PRKCH: variants seen among roughly 807,000 people sequenced by gnomAD.
PRKCH encodes protein kinase C eta type.
A neutral mutation model predicts 82.5 loss-of-function variants in PRKCH; 28 were observed. The ratio of observed to expected loss-of-function variants is 0.34; its 90% CI spans 0.25 to 0.47. The LOEUF (loss-of-function observed/expected upper bound fraction) is 0.47. PRKCH is among the 20% of genes least tolerant of loss of function. PRKCH has a pLI of 1.00. For synonymous variants in PRKCH, 322 were observed against 327.4 expected, an observed-to-expected ratio of 0.98 and a Z score of 0.18; for missense variants, 705 against 881.8, an observed-to-expected ratio of 0.80 and a Z score of 2.54.
chr14:61,396,508 G>C (rs971424107), intron 2 of PRKCH, among the ~76,000 whole-genome samples: 1 of 152,144 alleles, frequency 6.6e-6, no homozygotes, highest in Non-Finnish European at 1.5e-5. Context: ...GCTCATAGGA[G>C]GGAAGGCAGA....
chr14:61,518,158 A>G (rs754159861), intron 10 of PRKCH, among the ~76,000 whole-genome samples: 1 of 152,174 alleles, frequency 6.6e-6, no homozygotes, highest in Non-Finnish European at 1.5e-5. Flanking sequence ...GCAAGGCGCT[A>G]TGGTCAGGAG....
intron 10 of PRKCH, among the ~76,000 whole-genome samples, chr14:61,493,555 A>C (rs577532925): frequency 6.6e-6 from 1 of 152,228 alleles, no homozygotes; most frequent in Non-Finnish European, 1.5e-5. Flanking sequence ...AAAAATCAGC[A>C]TTCCATTATT....
Position 61,479,890 on chromosome 14 carries a change from G to A in PRKCH, c.1279-5612G>A, listed in dbSNP as rs1885888826. Among the ~76,000 whole-genome samples the A allele has an allele frequency of 1.3e-5, 2 of 152,156 alleles. 1 individual carries two copies. The highest frequency in any genetic ancestry group is 4.1e-4 in the South Asian group (2 of 4,830). On this transcript the variant is annotated intron_variant, in intron 9 of 13. Transcript: ENST00000332981. ...AACTCACACCAGGTGTGGGACAAAG[G>A]GATTTCTGAGTTGCTTTCACTCCCA...
intron 1 of PRKCH, among the ~76,000 whole-genome samples, chr14:61,229,690 AT>A (rs2044725304): frequency 6.6e-6 from 1 of 152,106 alleles, no homozygotes; most frequent in South Asian, 2.1e-4. Context: ...AGAGGCTCTT[AT>A]TTTGAGGCAC....
chr14:61,509,877 TG>T (rs1444461109), intron 10 of PRKCH, among the ~76,000 whole-genome samples: 3 of 152,268 alleles, frequency 2.0e-5, no homozygotes, highest in East Asian at 3.9e-4. Flanking sequence ...ATCGTGTCAC[TG>T]CCCTCCATCC....
At position 61,530,578 on chromosome 14, in the gene PRKCH, A is replaced by G. The variant is rs751348748; in HGVS notation, c.1744A>G (p.Thr582Ala). ...VYPTWLHEDA[T>A]GILKSFMTKN... Reference sequence around the variant, plus strand: ...CCCTACCTGGCTCCATGAAGATGCCACAGGGATCCTAAAATCTGTAAGTTT... The same window carrying G: ...CCCTACCTGGCTCCATGAAGATGCCGCAGGGATCCTAAAATCTGTAAGTTT... The change falls in exon 12 of 14, where the codon ACA (threonine) becomes GCA (alanine). Residue 582 changes from threonine to alanine, a missense_variant. This residue lies in a region of PRKCH where 115 missense variants were observed against 193.8 expected (regional missense o/e 0.59). Coordinates refer to ENST00000332981, the MANE Select transcript of PRKCH (RefSeq NM_006255.5). 1 of 1,598,514 alleles carries G rather than the reference A, an allele frequency of 6.3e-7. No individual in the cohort carries two copies. Among genetic ancestry groups the G allele is most frequent in the Non-Finnish European group, 8.5e-7 (1 of 1,171,074 alleles).
intron 1 of PRKCH, among the ~76,000 whole-genome samples, chr14:61,231,361 A>AT (rs1158357722): frequency 3.4e-4 from 19 of 56,016 alleles, no homozygotes; most frequent in African/African-American, 8.6e-4. Context: ...AATCCAGATG[A>AT]ATTTTTTTTT....
intron 1 of PRKCH, among the ~76,000 whole-genome samples, chr14:61,331,547 A>C (rs974916523): frequency 3.9e-5 from 6 of 152,126 alleles, no homozygotes; most frequent in Non-Finnish European, 5.9e-5. Flanking sequence ...ACAACAACAA[A>C]AAAACCCCTC....
At chr14:61,481,428 G>A (rs1294190343) in intron 9 of PRKCH, among the ~76,000 whole-genome samples, 1 of 152,172 alleles carries the variant, frequency 6.6e-6, no homozygotes, top group Admixed American at 6.5e-5. Flanking sequence ...GGTTACTCGT[G>A]TCCCTTAATA....
At chr14:61,502,240 T>A (rs1487553635) in intron 10 of PRKCH, among the ~76,000 whole-genome samples, 2 of 151,872 alleles carry the variant, frequency 1.3e-5, no homozygotes, top group Non-Finnish European at 2.9e-5. Flanking sequence ...ATTTTTGTAT[T>A]TTTAGTAGAG....
intron 1 of PRKCH, among the ~76,000 whole-genome samples, chr14:61,245,758 A>C (rs954688711): frequency 6.6e-6 from 1 of 152,210 alleles, no homozygotes; most frequent in Non-Finnish European, 1.5e-5. Context: ...CTGGCATTAG[A>C]TTATTCAATC....
intron 1 of PRKCH, among the ~76,000 whole-genome samples, chr14:61,225,331 T>C (rs1335028918): frequency 6.6e-6 from 1 of 152,224 alleles, no homozygotes; most frequent in Non-Finnish European, 1.5e-5. Flanking sequence ...CACTGTAGGC[T>C]TGGGAAATTC....
intron 1 of PRKCH, among the ~76,000 whole-genome samples, chr14:61,363,779 G>A (rs1437147247): frequency 1.3e-5 from 2 of 150,442 alleles, no homozygotes; most frequent in Non-Finnish European, 2.9e-5. Flanking sequence ...GGAGTCCAAG[G>A]GAACACCAGA....
chr14:61,505,395 C>CTTTTTCTTTTTTTTTTTTTTTTT (rs1887099057), intron 10 of PRKCH, among the ~76,000 whole-genome samples: 3 of 55,736 alleles, frequency 5.4e-5, no homozygotes, highest in African/African-American at 6.5e-5. Flanking sequence ...CTTTTCTTTT[C>CTTTTTCTTTTTTTTTTTTTTTTT]TTTTTTTTTT....
intron 10 of PRKCH, among the ~76,000 whole-genome samples, chr14:61,499,832 A>G (rs1376023520): frequency 2.0e-5 from 3 of 151,398 alleles, no homozygotes; most frequent in Non-Finnish European, 1.5e-5. Flanking sequence ...TGACTCAAAC[A>G]TTGTTTCCCA....
intron 1 of PRKCH, among the ~76,000 whole-genome samples, chr14:61,259,252 C>A (rs772017863): frequency 6.6e-6 from 1 of 152,138 alleles, no homozygotes; most frequent in Non-Finnish European, 1.5e-5. Flanking sequence ...AAGTGGCCTT[C>A]CTCTGATGGT....
intron 1 of PRKCH, among the ~76,000 whole-genome samples, chr14:61,227,947 G>A (rs747613062): frequency 1.3e-5 from 2 of 152,118 alleles, no homozygotes; most frequent in Non-Finnish European, 2.9e-5. Context: ...CCCTAAGTGT[G>A]GCACCACAAA....
rs116651623 is a variant in PRKCH at position 61,253,734 on chromosome 14, G to A, written c.-19+66066G>A. Among the ~76,000 whole-genome samples the A allele has an allele frequency of 8.3e-3, 1,270 of 152,146 alleles. 12 individuals are homozygous for A. Among genetic ancestry groups the A allele is most frequent in the African/African-American group, 0.026 (1,071 of 41,498 alleles). On this transcript the variant is annotated intron_variant, in intron 1 of 3. Transcript: ENST00000555185. ...ATCTGACTCTGCCTAATTAGGCAAC[G>A]GTGCGCAAGTTTTCCAAATTTCCTA...
At chr14:61,288,560 T>G (rs1219280341) in intron 1 of PRKCH, among the ~76,000 whole-genome samples, 2 of 150,456 alleles carry the variant, frequency 1.3e-5, no homozygotes, top group Non-Finnish European at 2.9e-5. Context: ...GGCCCCTGAC[T>G]TTTTCTCTGA....
Sources: allele counts gnomAD v4.1 joint callset (sites outside exome capture counted in the v4.1 genomes callset), GRCh38; gene constraint gnomAD v4.1.1; regional missense constraint gnomAD v4.1.1; transcripts MANE v1.5; gene names NCBI Gene and HGNC (gene_info 2026-07-23, HGNC 2026-07-21).